The following PRKCZ variants were observed in gnomAD, a reference collection of about 807,000 sequenced individuals.
The protein encoded by PRKCZ is protein kinase C zeta, also known as protein kinase C zeta type.
A neutral mutation model predicts 79.5 loss-of-function variants in PRKCZ; 33 were observed. The observed-to-expected ratio is 0.41, with a 90% CI of 0.31 to 0.55. The LOEUF is 0.55. Among genes scored for constraint, PRKCZ ranks in the 20% least tolerant of loss-of-function variants. The pLI is 0.19. For synonymous variants in PRKCZ, 342 were observed against 320.9 expected, an observed-to-expected ratio of 1.07 and a Z score of -0.70; for missense variants, 578 against 813.5, an observed-to-expected ratio of 0.71 and a Z score of 3.52.
intron 4 of PRKCZ, among the ~76,000 whole-genome samples, chr1:2,100,718 G>A (rs762353965): frequency 2.6e-5 from 4 of 152,178 alleles, no homozygotes; most frequent in East Asian, 1.9e-4. Context: ...GGTGGCTCCC[G>A]TGGGACTTTT....
At chr1:2,105,214 C>A (rs1026352887) in intron 4 of PRKCZ, among the ~76,000 whole-genome samples, 3 of 152,154 alleles carry the variant, frequency 2.0e-5, no homozygotes, top group Non-Finnish European at 4.4e-5. Flanking sequence ...CGCTGTGTAC[C>A]GGCACTGCCG....
chr1:2,150,949 G>T lies in PRKCZ; in HGVS notation c.847G>T (p.Val283Leu). The T allele has an allele frequency of 2.5e-6, 4 of 1,614,024 alleles. No individual in the cohort carries two copies. Among genetic ancestry groups the T allele is most frequent in the Non-Finnish European group, 3.4e-6 (4 of 1,180,034 alleles). ...TGACCAAATTTACGCCATGAAAGTG[G>T]TGAAGAAAGAGCTGGTGCATGATGA... ...KNDQIYAMKV[V>L]KKELVHDDED... The change falls in exon 9 of 18, where the codon GTG becomes TTG. Residue 283 changes from valine (V) to leucine (L), a missense_variant. By Grantham distance (32) the Val-to-Leu change is conservative. Transcript: ENST00000378567.
chr1:2,062,367 T>C (rs910968586), intron 4 of PRKCZ, among the ~76,000 whole-genome samples: 9 of 152,152 alleles, frequency 5.9e-5, no homozygotes, highest in Admixed American at 1.3e-4. Context: ...TTGCCTCTAG[T>C]GGCTTTCACC....
intron 4 of PRKCZ, among the ~76,000 whole-genome samples, chr1:2,110,613 C>G (rs1571458532): frequency 6.6e-6 from 1 of 152,206 alleles, no homozygotes; most frequent in Admixed American, 6.5e-5. Flanking sequence ...CCACTGGGCC[C>G]TCGACACCCT....
chr1:2,081,236 A>T (rs1368784921), intron 4 of PRKCZ, among the ~76,000 whole-genome samples: 3 of 152,188 alleles, frequency 2.0e-5, no homozygotes, highest in South Asian at 4.1e-4. Flanking sequence ...TGTCAATTTC[A>T]TACTTGGGTT....
chr1:2,066,070 G>A (rs1035224376), intron 4 of PRKCZ, among the ~76,000 whole-genome samples: 9 of 151,996 alleles, frequency 5.9e-5, no homozygotes, highest in Admixed American at 6.6e-5. Flanking sequence ...TTTTCTTGAG[G>A]ATTTTTACAT....
At chr1:2,093,174 G>A (rs1422158496) in intron 4 of PRKCZ, among the ~76,000 whole-genome samples, 2 of 151,768 alleles carry the variant, frequency 1.3e-5, no homozygotes, top group South Asian at 2.1e-4. Context: ...GGCAGATGGC[G>A]AGGGCCCCAC....
At chr1:2,153,829 G>A (rs1026505914) in intron 9 of PRKCZ, among the ~76,000 whole-genome samples, 2 of 152,212 alleles carry the variant, frequency 1.3e-5, no homozygotes, top group Non-Finnish European at 2.9e-5. Context: ...GTTGTCTTTC[G>A]AGAAGAGCCT....
At chr1:2,126,031 G>T (rs879651642) in intron 4 of PRKCZ, among the ~76,000 whole-genome samples, 1 of 152,038 alleles carries the variant, frequency 6.6e-6, no homozygotes, top group African/African-American at 2.4e-5. Flanking sequence ...GAAGGCTGTC[G>T]CCCGATCGCT....
Position 2,174,662 on chromosome 1 carries a change from T to G in PRKCZ, c.1406-92T>G. ...GGGCTCCGGGGCCCCAAGGCTGAGC[T>G]CCCAAAGCTCTTGCTCAGAGTCAGA... On this transcript the variant is annotated intron_variant, in intron 14 of 17. Coordinates refer to ENST00000378567, the MANE Select transcript of PRKCZ (RefSeq NM_002744.6). The surrounding 1 kb of genome is among the most constrained non-coding windows in gnomAD (Gnocchi z 6.2). The G allele has an allele frequency of 1.5e-6, 2 of 1,357,906 alleles. No homozygotes were observed. Among genetic ancestry groups the G allele is most frequent in the South Asian group, 2.5e-5 (2 of 81,234 alleles). 84.1% of individuals were successfully genotyped at this position (1,357,906 alleles called of 1,614,324 possible).
At position 2,169,493 on chromosome 1, in the gene PRKCZ, G is replaced by A. The variant is rs914139739; in HGVS notation, c.975-25G>A. 21 of 1,546,726 alleles carry A rather than the reference G, an allele frequency of 1.4e-5. No homozygotes were observed. The Admixed American group carries it at 3.9e-4, about 29-fold the overall frequency. ...GCCGCCGTCTGCCGAGGTGACTGCA[G>A]CCTCCGGCGCCTCTCTCCCTGCAGG... On this transcript the variant is annotated intron_variant, in intron 10 of 17. Coordinates refer to ENST00000378567, the MANE Select transcript of PRKCZ (RefSeq NM_002744.6).
intron 4 of PRKCZ, among the ~76,000 whole-genome samples, chr1:2,076,887 G>A (rs1317578498): frequency 3.3e-5 from 5 of 152,176 alleles, no homozygotes; most frequent in African/African-American, 4.8e-5. Flanking sequence ...TCCACGCATC[G>A]GGGCCCGGCA....
At chr1:2,056,116 G>A (rs550621678) in intron 2 of PRKCZ, among the ~76,000 whole-genome samples, 3 of 152,296 alleles carry the variant, frequency 2.0e-5, no homozygotes, top group Admixed American at 6.5e-5. Flanking sequence ...AGCCCTGCAG[G>A]GCCTGGGTTC....
intron 16 of PRKCZ, chr1:2,183,729 G>A (rs985412322): frequency 6.6e-6 from 1 of 152,638 alleles, no homozygotes; most frequent in African/African-American, 2.4e-5. Flanking sequence ...GGAGAGAGGG[G>A]AGGAAGGCCA....
At chr1:2,088,459 G>A (rs966974146) in intron 4 of PRKCZ, among the ~76,000 whole-genome samples, 1 of 152,240 alleles carries the variant, frequency 6.6e-6, no homozygotes, top group South Asian at 2.1e-4. Context: ...ACCCAGCAGG[G>A]CTCCCTGGAC....
rs61243022 is a variant in PRKCZ at position 2,127,647 on chromosome 1, C to A, written c.335-7615C>A. 1.9e-3 allele frequency among the ~76,000 whole-genome samples: 296 copies of A among 152,296 alleles called. No individual in the cohort carries two copies. Among genetic ancestry groups the A allele is most frequent in the African/African-American group, 6.9e-3 (285 of 41,580 alleles). On this transcript the variant is annotated intron_variant, in intron 4 of 17. Transcript: ENST00000378567. The surrounding 1 kb of genome is among the most constrained non-coding windows in gnomAD (Gnocchi z 5.1). ...GTGGGAGCTCTGGTGCAGGTGTAGC[C>A]GAGGCTCAGGGGCTCCACACCAGGC...
intron 16 of PRKCZ, 72 bp from the exon 17 acceptor site, chr1:2,184,511 G>A (rs1309418859): frequency 1.9e-5 from 20 of 1,078,944 alleles, no homozygotes; most frequent in Non-Finnish European, 2.7e-5. Flanking sequence ...TGATTGAAGT[G>A]CGTGCAAAAC....
chr1:2,101,182 T>C (rs1667383976), intron 4 of PRKCZ, among the ~76,000 whole-genome samples: 1 of 152,218 alleles, frequency 6.6e-6, no homozygotes, highest in Non-Finnish European at 1.5e-5. Flanking sequence ...GAGACTTTAT[T>C]CCCATACCTT....
rs1666024071 is a variant in PRKCZ at position 2,094,222 on chromosome 1, C to T, written c.334+34631C>T. ...TGTCTTGGACGGGAGCTGGAAGGGA[C>T]GTGGTTCCAGTCCTGCTGTGCCAAG... is the stretch of plus-strand genomic sequence containing the variant. On this transcript the variant is annotated intron_variant, in intron 4 of 17. Transcript: ENST00000378567. This position sits in a 1 kb window ranked among gnomAD's most constrained non-coding sequence, Gnocchi z 7.3. 2.0e-5 allele frequency among the ~76,000 whole-genome samples: 3 copies of T among 152,236 alleles called. No individual in the cohort carries two copies. The highest frequency in any genetic ancestry group is 4.4e-5 in the Non-Finnish European group (3 of 68,018).
Sources: gnomAD v4.1 joint callset for allele counts (sites outside exome capture counted in the v4.1 genomes callset) on GRCh38, gnomAD v4.1.1 for gene constraint, Gnocchi (gnomAD v3.1) non-coding constraint, MANE v1.5 for transcripts, NCBI Gene and HGNC (gene_info 2026-07-23, HGNC 2026-07-21) for gene names.